BAIAP3: variants seen among roughly 807,000 people sequenced by gnomAD.
BAIAP3 encodes the protein BAI1-associated protein 3.
In BAIAP3, 180 loss-of-function variants were observed where a neutral mutation model predicts 149.7. The observed-to-expected ratio is 1.20, with a 90% confidence interval of 1.07 to 1.36. BAIAP3 has a LOEUF of 1.36. Ranked by LOEUF, BAIAP3 falls within the 40% of genes most tolerant of loss-of-function variation. The pLI, the probability that BAIAP3 is intolerant of heterozygous loss-of-function variation, is 0.00. For synonymous variants in BAIAP3, 845 were observed against 670.7 expected, an observed-to-expected ratio of 1.26 and a Z score of -4.02; for missense variants, 1,767 against 1,563.4, an observed-to-expected ratio of 1.13 and a Z score of -2.20.
Position 1,338,589 on chromosome 16 carries a change from C to G in BAIAP3, c.40C>G (p.Gln14Glu). Residue 14 changes from glutamine (Q) to glutamate (E), a missense_variant, in exon 2 of 34, where the codon CAG becomes GAG. By Grantham distance (29) the Gln-to-Glu change is conservative. Transcript: ENST00000426824. Reference sequence around the variant, plus strand: ...GGACATTAAGAGCAGCGTGCTCAGGCAGGTGCAGGTGTGCCCGTCCTTCCG... The same window carrying G: ...GGACATTAAGAGCAGCGTGCTCAGGGAGGTGCAGGTGTGCCCGTCCTTCCG... ...LLDIKSSVLR[Q>E]VQVCPSFRRR... is the part of the protein sequence containing the mutation. The G allele has an allele frequency of 6.2e-7, 1 of 1,609,298 alleles. No homozygotes were observed. Among genetic ancestry groups the G allele is most frequent in the Middle Eastern group, 1.8e-4 (1 of 5,690 alleles).
intron 1 of BAIAP3, among the ~76,000 whole-genome samples, chr16:1,335,404 C>G (rs905893757): frequency 2.0e-5 from 3 of 152,186 alleles, no homozygotes; most frequent in African/African-American, 7.2e-5. Context: ...CCTCATGCTA[C>G]TGTCCCAGGG....
chr16:1,346,540 A>T (rs2034380742), intron 26 of BAIAP3, 30 bp downstream of exon 26: 1 of 1,592,776 alleles, frequency 6.3e-7, no homozygotes, highest in Non-Finnish European at 8.5e-7. Flanking sequence ...GCCGTGGAGG[A>T]CTGTGTGTAC....
Position 1,343,899 on chromosome 16 carries a change from G to T in BAIAP3, c.1387-123G>T, listed in dbSNP as rs2034112674. 2.0e-6 allele frequency: 3 copies of T among 1,475,796 alleles called. 1 individual carries two copies. In the East Asian group the frequency reaches 6.8e-5, roughly 33 times the overall value. The allele number at this position is 1,475,796 out of a possible 1,614,324, so 91.4% of individuals were successfully genotyped here. A position where few individuals can be genotyped will look rare whatever the true frequency, so the allele number is the denominator to read the frequency against. ...GCCGACTGGGCCTGTGGAGGGTGCTGCTCAGAGCAGAGCTGGGCTGACCAT... is the reference window on the plus strand; with the variant it reads ...GCCGACTGGGCCTGTGGAGGGTGCTTCTCAGAGCAGAGCTGGGCTGACCAT... On this transcript the variant is annotated intron_variant, in intron 15 of 33. Transcript: ENST00000426824.
intron 19 of BAIAP3, 40 bp from the exon 20 acceptor site, chr16:1,344,758 G>A: frequency 6.2e-7 from 1 of 1,613,342 alleles, no homozygotes; most frequent in South Asian, 1.1e-5. Flanking sequence ...GGGCCTGCAG[G>A]TGGGGCGCAG....
intron 4 of BAIAP3, 104 bp from the exon 5 acceptor site, chr16:1,339,392 T>G: frequency 6.8e-7 from 1 of 1,470,322 alleles, no homozygotes; most frequent in East Asian, 2.4e-5. Context: ...GGGCTCCTGG[T>G]GCAAAGAGGC....
At position 1,343,039 on chromosome 16, in the gene BAIAP3, G is replaced by A. The variant is rs764060008; in HGVS notation, c.1265+23G>A. 44 of 1,596,620 alleles carry A rather than the reference G, an allele frequency of 2.8e-5. 2 individuals are homozygous for A. In the East Asian group the frequency reaches 9.2e-4, roughly 33 times the overall value. ...GCTGTGAGTGGGTGGAGCTACGAGT[G>A]GGCGGGGAATGTGGGCGGGCGTGAG... On this transcript the variant is annotated intron_variant, in intron 14 of 33. Transcript: ENST00000426824.
chr16:1,348,449 G>A lies in BAIAP3; in HGVS notation c.3426G>A (p.Lys1142=). 1.2e-6 allele frequency: 2 copies of A among 1,612,362 alleles called. No individual in the cohort carries two copies. Among genetic ancestry groups the A allele is most frequent in the Non-Finnish European group, 1.7e-6 (2 of 1,179,706 alleles). ...KEAQEFVKKL[K]ELEKCMEADP is the part of the protein sequence containing the mutation. ...CGCAGGAGTTCGTGAAGAAACTCAA[G>A]GAGCTGGAGAAGTGCATGGAGGCGG... The change falls in exon 34 of 34, where the codon AAG becomes AAA. Residue 1142 remains lysine, a synonymous_variant. Coordinates refer to ENST00000426824, the MANE Select transcript of BAIAP3 (RefSeq NM_001199097.2).
chr16:1,345,111 G>C lies in BAIAP3; in HGVS notation c.1940+12G>C, dbSNP rs565842729. On this transcript the variant is annotated intron_variant, in intron 21 of 33. Transcript: ENST00000426824. ...AGCATCCCTGGCCGGTGGGTGCCCC[G>C]TCCCTATCTCTTGCAGACAGACTTT... The C allele has an allele frequency of 1.4e-5, 23 of 1,612,250 alleles. No homozygotes were observed. The highest frequency in any genetic ancestry group is 1.9e-5 in the Non-Finnish European group (23 of 1,179,932).
chr16:1,343,845 C>T (rs536431433), intron 15 of BAIAP3, among the ~76,000 whole-genome samples, 177 bp from the exon 16 acceptor site: 4 of 152,156 alleles, frequency 2.6e-5, no homozygotes, highest in African/African-American at 9.7e-5. Flanking sequence ...TGGGTGGAAA[C>T]CGAGGCTGGG....
chr16:1,337,722 G>T (rs1485718625), intron 1 of BAIAP3, among the ~76,000 whole-genome samples: 1 of 152,224 alleles, frequency 6.6e-6, no homozygotes, highest in Non-Finnish European at 1.5e-5. Flanking sequence ...TGGCTCAGTT[G>T]TCATGGCAAC....
rs2034575240 is a variant in BAIAP3, at chr16:1,348,953, C to G, written c.*471C>G. The stretch of plus-strand genomic sequence containing the variant: ...CCACTGGGTGGATGGTCCAGAGCCT[C>G]CACCCACAGAGGGGATGCAAAGGGC... On this transcript the variant is annotated 3_prime_UTR_variant, in exon 34 of 34. Transcript: ENST00000426824. 3.9e-6 allele frequency: 1 copy of G among 259,064 alleles called. No homozygotes were observed. Among genetic ancestry groups the G allele is most frequent in the African/African-American group, 2.2e-5 (1 of 44,536 alleles). The allele number at this position is 259,064 out of a possible 1,614,324, so 16.0% of individuals were successfully genotyped here. A position where few individuals can be genotyped will look rare whatever the true frequency, so the allele number is the denominator to read the frequency against.
chr16:1,347,085 G>A (rs1179033583), intron 28 of BAIAP3, 130 bp downstream of exon 28: 9 of 943,120 alleles, frequency 9.5e-6, no homozygotes, highest in African/African-American at 3.3e-5. Context: ...TGTCCACAGC[G>A]CCTCCTCCCG....
At chr16:1,347,175 A>G (rs1236918013) in intron 28 of BAIAP3, 123 bp from the exon 29 acceptor site, 1 of 1,082,962 alleles carries the variant, frequency 9.2e-7, no homozygotes, top group Non-Finnish European at 1.3e-6. Context: ...GGGTGTGAGA[A>G]AGGGCTCTGC....
At chr16:1,338,819 G>T in intron 2 of BAIAP3, 83 bp from the exon 3 acceptor site, 1 of 1,591,848 alleles carries the variant, frequency 6.3e-7, no homozygotes, top group Non-Finnish European at 8.6e-7. Context: ...GATGTCACAT[G>T]GCCCTTCCTG....
chr16:1,347,102 C>T, intron 28 of BAIAP3, 147 bp downstream of exon 28: 1 of 891,568 alleles, frequency 1.1e-6, no homozygotes, highest in Non-Finnish European at 1.7e-6. Context: ...CCCGTTAATG[C>T]CGAGGTGTGG....
rs551369926 is a variant in BAIAP3, at chr16:1,334,908, G to A, written c.-11+1159G>A. ...TGGGGCAGATGTCCTGCCACCTCCC[G>A]CCCCAGGCACACACCCAGGGCACCA... On this transcript the variant is annotated intron_variant, in intron 1 of 33. Coordinates refer to ENST00000426824, the MANE Select transcript of BAIAP3 (RefSeq NM_001199097.2). 14 of 732,154 alleles carry A rather than the reference G, an allele frequency of 1.9e-5. No individual in the cohort carries two copies. In the Admixed American group the frequency reaches 2.4e-4, roughly 13 times the overall value. The allele number at this position is 732,154 out of a possible 1,614,324, so 45.4% of individuals were successfully genotyped here. A position where few individuals can be genotyped will look rare whatever the true frequency, so the allele number is the denominator to read the frequency against.
intron 4 of BAIAP3, 113 bp from the exon 5 acceptor site, chr16:1,339,383 G>A: frequency 6.8e-7 from 1 of 1,462,650 alleles, no homozygotes; most frequent in South Asian, 1.3e-5. Context: ...GGAGCGGAGG[G>A]GCTCCTGGTG....
chr16:1,347,973 G>C lies in BAIAP3; in HGVS notation c.3105G>C (p.Val1035=). 6.2e-7 allele frequency: 1 copy of C among 1,611,656 alleles called. No homozygotes were observed. Residue 1035 remains valine, a synonymous_variant, in exon 32 of 34, where the codon GTG becomes GTC. Transcript: ENST00000426824. ...TGGTCCGCAGCCAGAGGACCCAGGT[G>C]AAGACCCGGACGCTGCACCCTGTAT... The part of the protein sequence containing the change: ...FPLVRSQRTQ[V]KTRTLHPVYD...
At chr16:1,343,576 T>A in intron 15 of BAIAP3, 63 bp downstream of exon 15, 1 of 1,576,074 alleles carries the variant, frequency 6.3e-7, no homozygotes, top group Non-Finnish European at 8.6e-7. Flanking sequence ...CTGGGGTCGC[T>A]CAGTGCCGGT....
Sources: gnomAD v4.1 joint callset for allele counts (sites outside exome capture counted in the v4.1 genomes callset) on GRCh38, gnomAD v4.1.1 for gene constraint, MANE v1.5 for transcripts, NCBI Gene and HGNC (gene_info 2026-07-23, HGNC 2026-07-21) for gene names.